GLIS3: variants seen among roughly 807,000 people sequenced by gnomAD.
GLIS3 encodes the protein zinc finger protein GLIS3.
A neutral mutation model predicts 78.6 loss-of-function variants in GLIS3; 53 were observed. The observed-to-expected ratio is 0.67, with a 90% CI of 0.54 to 0.85. The LOEUF is 0.85. Ranked by LOEUF, GLIS3 falls within the 40% of genes least tolerant of loss-of-function variation. The pLI is 0.00. For synonymous variants in GLIS3, 684 were observed against 509.9 expected (o/e 1.34, Z -4.60); for missense variants, 1,703 against 1,231.1 (o/e 1.38, Z -5.74).
intron 4 of GLIS3, among the ~76,000 whole-genome samples, chr9:3,958,834 G>C (rs2130873629): frequency 6.6e-6 from 1 of 152,350 alleles, no homozygotes; most frequent in African/African-American, 2.4e-5. Flanking sequence ...GCTGCTTAGG[G>C]AAACAGAAAT....
intron 1 of GLIS3, among the ~76,000 whole-genome samples, chr9:4,298,012 C>A (rs1405961165): frequency 1.3e-5 from 2 of 152,160 alleles, no homozygotes; most frequent in African/African-American, 2.4e-5. Context: ...ACTCCCCCGC[C>A]GCCTCCGCCC....
At chr9:4,025,759 G>A (rs1053873331) in intron 4 of GLIS3, among the ~76,000 whole-genome samples, 1 of 152,138 alleles carries the variant, frequency 6.6e-6, no homozygotes, top group Non-Finnish European at 1.5e-5. Context: ...TAAGGACAGA[G>A]GATAGGCCAC....
At chr9:4,120,266 A>T (rs1462243479) in intron 3 of GLIS3, among the ~76,000 whole-genome samples, 1 of 152,230 alleles carries the variant, frequency 6.6e-6, no homozygotes, top group Non-Finnish European at 1.5e-5. Flanking sequence ...CAAGAAAAAC[A>T]TCTCAGCTCC....
chr9:3,930,648 AGT>A (rs1393301453), intron 6 of GLIS3, among the ~76,000 whole-genome samples: 2 of 152,162 alleles, frequency 1.3e-5, no homozygotes, highest in East Asian at 3.8e-4. Context: ...TGAACATCAC[AGT>A]GTTGCTTATT....
At chr9:4,127,617 T>C (rs1315519425) in intron 2 of GLIS3, among the ~76,000 whole-genome samples, 1 of 152,154 alleles carries the variant, frequency 6.6e-6, no homozygotes, top group Non-Finnish European at 1.5e-5. Context: ...GCATTAGCTT[T>C]TCATATTCCC....
the GLIS3 span, among the ~76,000 whole-genome samples, chr9:4,365,507 G>C: frequency 6.6e-6 from 1 of 151,966 alleles, no homozygotes; most frequent in South Asian, 2.1e-4. Flanking sequence ...AGTCAGCCAA[G>C]ATCATGCCAC....
intron 9 of GLIS3, among the ~76,000 whole-genome samples, chr9:3,831,829 C>T (rs1818060996): frequency 6.6e-6 from 1 of 152,042 alleles, no homozygotes; most frequent in Non-Finnish European, 1.5e-5. Flanking sequence ...CATGGAAAGA[C>T]CATTATAAGG....
At chr9:4,082,165 T>C (rs1322137354) in intron 4 of GLIS3, among the ~76,000 whole-genome samples, 2 of 152,328 alleles carry the variant, frequency 1.3e-5, no homozygotes, top group East Asian at 3.9e-4. Context: ...CCAAGGGAAA[T>C]AATTGCATCT....
At chr9:4,266,001 C>T (rs991501814) in intron 2 of GLIS3, among the ~76,000 whole-genome samples, 4 of 151,968 alleles carry the variant, frequency 2.6e-5, no homozygotes, top group African/African-American at 4.8e-5. Context: ...TCACTGCAAG[C>T]TCCGCCTCCC....
intron 4 of GLIS3, among the ~76,000 whole-genome samples, chr9:3,942,990 G>A (rs1254030029): frequency 6.6e-6 from 1 of 151,958 alleles, no homozygotes; most frequent in African/African-American, 2.4e-5. Context: ...AAATTTAGGT[G>A]GGAAGATAAT....
At chr9:3,836,385 C>T (rs998340734) in intron 9 of GLIS3, among the ~76,000 whole-genome samples, 2 of 152,174 alleles carry the variant, frequency 1.3e-5, no homozygotes, top group African/African-American at 2.4e-5. Context: ...GGAAGTGTAG[C>T]GATTTTGGCC....
At chr9:4,042,364 CT>C (rs1314977940) in intron 4 of GLIS3, among the ~76,000 whole-genome samples, 1 of 152,192 alleles carries the variant, frequency 6.6e-6, no homozygotes, top group Non-Finnish European at 1.5e-5. Context: ...TAGACTAAAC[CT>C]AAGCTATCTT....
At chr9:3,942,147 C>A (rs992746656) in intron 4 of GLIS3, among the ~76,000 whole-genome samples, 26 of 152,216 alleles carry the variant, frequency 1.7e-4, no homozygotes, top group Non-Finnish European at 3.8e-4. Flanking sequence ...TAACAGCAAA[C>A]CTTTCCTGAT....
At chr9:4,314,751 C>T (rs1345216810) in intron 2 of GLIS3, among the ~76,000 whole-genome samples, 4 of 152,216 alleles carry the variant, frequency 2.6e-5, no homozygotes, top group Non-Finnish European at 5.9e-5. Context: ...TCAGCTTTCT[C>T]ATTCATTAGC....
At chr9:4,367,077 T>A in the GLIS3 span, among the ~76,000 whole-genome samples, 2 of 152,212 alleles carry the variant, frequency 1.3e-5, no homozygotes, top group Non-Finnish European at 2.9e-5. Context: ...GAGCTAATAT[T>A]AAAACCCTTC....
chr9:3,829,190 TCAA>T (rs1472571676), intron 10 of GLIS3, 117 bp downstream of exon 10: 1 of 830,928 alleles, frequency 1.2e-6, no homozygotes, highest in Non-Finnish European at 2.1e-6. Flanking sequence ...CAGGGGTCGT[TCAA>T]CAGGATTTGA....
chr9:4,471,254 A>G, the GLIS3 span, among the ~76,000 whole-genome samples: 1 of 152,186 alleles, frequency 6.6e-6, no homozygotes, highest in African/African-American at 2.4e-5. Context: ...GGAAAAAACT[A>G]CTTTAAAGTT....
intron 2 of GLIS3, among the ~76,000 whole-genome samples, chr9:4,323,047 G>T (rs1438074088): frequency 6.6e-6 from 1 of 152,116 alleles, no homozygotes; most frequent in Non-Finnish European, 1.5e-5. Flanking sequence ...ATGATTTTAG[G>T]TCTAACATTT....
At chr9:4,084,430 T>C (rs908522454) in intron 4 of GLIS3, among the ~76,000 whole-genome samples, 1 of 152,052 alleles carries the variant, frequency 6.6e-6, no homozygotes, top group African/African-American at 2.4e-5. Context: ...GCTAATGCTA[T>C]CAAGCCAAGA....
Sources: gnomAD v4.1 joint callset for allele counts (sites outside exome capture counted in the v4.1 genomes callset) on GRCh38, gnomAD v4.1.1 for gene constraint, MANE v1.5 for transcripts, NCBI Gene and HGNC (gene_info 2026-07-23, HGNC 2026-07-21) for gene names.